Variants in NTM observed in about 807,000 individuals in gnomAD.
The protein encoded by NTM is IgLON family member 2.
In NTM, 13 loss-of-function variants were observed where a neutral mutation model predicts 42.1. The ratio of observed to expected loss-of-function variants is 0.31; its 90% confidence interval spans 0.20 to 0.49. NTM has a LOEUF of 0.49. Among genes scored for constraint, NTM ranks in the 20% least tolerant of loss-of-function variants. The pLI is 0.99. For synonymous variants in NTM, 187 were observed against 179.2 expected (o/e 1.04, Z -0.35); for missense variants, 373 against 452.8 (o/e 0.82, Z 1.60).
chr11:132,145,749 A>G (rs1173458269), intron 2 of NTM, among the ~76,000 whole-genome samples: 1 of 152,146 alleles, frequency 6.6e-6, no homozygotes, highest in Non-Finnish European at 1.5e-5. Context: ...CTATTCTGAG[A>G]TGAGAGGAAT....
At chr11:131,893,940 A>T (rs1464075724) in intron 1 of NTM, among the ~76,000 whole-genome samples, 1 of 152,176 alleles carries the variant, frequency 6.6e-6, no homozygotes, top group Non-Finnish European at 1.5e-5. Flanking sequence ...GATGAGGAGG[A>T]ATATCTAGTC....
At chr11:131,968,764 T>A (rs2063160199) in intron 2 of NTM, among the ~76,000 whole-genome samples, 1 of 152,064 alleles carries the variant, frequency 6.6e-6, no homozygotes. Context: ...TTCACACATA[T>A]CCTCCCCCGA....
chr11:131,637,943 CTG>C (rs2064621105), intron 1 of NTM, among the ~76,000 whole-genome samples: 1 of 152,140 alleles, frequency 6.6e-6, no homozygotes. Flanking sequence ...ATCAGTTTCT[CTG>C]TGGACTGATG....
At chr11:131,408,462 GTGAT>G (rs1379399502) in intron 1 of NTM, among the ~76,000 whole-genome samples, 2 of 152,220 alleles carry the variant, frequency 1.3e-5, no homozygotes, top group Non-Finnish European at 2.9e-5. Flanking sequence ...TAACATTTAT[GTGAT>G]TGAAAATATG....
At chr11:131,786,313 G>C (rs2089204358) in intron 1 of NTM, among the ~76,000 whole-genome samples, 2 of 152,202 alleles carry the variant, frequency 1.3e-5, no homozygotes, top group Admixed American at 1.3e-4. Context: ...AGATGACTAA[G>C]TTACAAGAGG....
chr11:131,824,710 T>G (rs770477131), intron 1 of NTM, among the ~76,000 whole-genome samples: 2 of 152,180 alleles, frequency 1.3e-5, no homozygotes, highest in Non-Finnish European at 2.9e-5. Flanking sequence ...ACATGTTGAA[T>G]AGTGAATGAA....
At chr11:131,572,119 T>C (rs2057494229) in intron 1 of NTM, among the ~76,000 whole-genome samples, 1 of 152,146 alleles carries the variant, frequency 6.6e-6, no homozygotes, top group Admixed American at 6.5e-5. Flanking sequence ...TGGGTCAGTG[T>C]GTAGCCGGGT....
chr11:131,830,814 T>G (rs2042724956), intron 1 of NTM, among the ~76,000 whole-genome samples: 1 of 152,252 alleles, frequency 6.6e-6, no homozygotes, highest in Non-Finnish European at 1.5e-5. Context: ...TGGACTGTTT[T>G]TTCATTTGTT....
At chr11:131,758,878 C>T (rs1398837963) in intron 1 of NTM, among the ~76,000 whole-genome samples, 1 of 152,114 alleles carries the variant, frequency 6.6e-6, no homozygotes, top group Non-Finnish European at 1.5e-5. Flanking sequence ...AGGCATGACC[C>T]ACCGTGTCCA....
chr11:132,083,529 C>T (rs1353608436), intron 2 of NTM, among the ~76,000 whole-genome samples: 1 of 152,190 alleles, frequency 6.6e-6, no homozygotes, highest in Admixed American at 6.5e-5. Flanking sequence ...GTGAATTCCT[C>T]TCTTCTTGAA....
chr11:131,931,889 A>G (rs2058673849), intron 2 of NTM, among the ~76,000 whole-genome samples: 1 of 152,214 alleles, frequency 6.6e-6, no homozygotes, highest in Non-Finnish European at 1.5e-5. Flanking sequence ...TGGAGCAGCA[A>G]GAGGCCACCA....
chr11:131,579,699 G>A (rs1039444322), intron 1 of NTM, among the ~76,000 whole-genome samples: 1 of 152,182 alleles, frequency 6.6e-6, no homozygotes, highest in Non-Finnish European at 1.5e-5. Flanking sequence ...TCCAGGAAGA[G>A]AACTTTTACA....
chr11:131,530,739 C>T (rs1467909492), intron 1 of NTM, among the ~76,000 whole-genome samples: 1 of 152,166 alleles, frequency 6.6e-6, no homozygotes, highest in Non-Finnish European at 1.5e-5. Context: ...CAACGACCCC[C>T]TTAACCTCAC....
intron 1 of NTM, among the ~76,000 whole-genome samples, chr11:131,898,455 C>G (rs1046732261): frequency 2.0e-5 from 3 of 152,214 alleles, no homozygotes; most frequent in African/African-American, 7.2e-5. Context: ...AAATAAGACA[C>G]TCTCCCCTTT....
intron 1 of NTM, among the ~76,000 whole-genome samples, chr11:131,742,231 A>C (rs1444476645): frequency 6.6e-6 from 1 of 152,240 alleles, no homozygotes; most frequent in Non-Finnish European, 1.5e-5. Flanking sequence ...AAAAGTCAAA[A>C]GATAAAAAAT....
intron 1 of NTM, among the ~76,000 whole-genome samples, chr11:131,676,181 A>G (rs1179630633): frequency 1.3e-5 from 2 of 152,232 alleles, no homozygotes; most frequent in African/African-American, 4.8e-5. Context: ...TTTTGTCTCA[A>G]AACAGGTGAA....
At chr11:131,484,556 C>T (rs1440253025) in intron 1 of NTM, among the ~76,000 whole-genome samples, 1 of 152,132 alleles carries the variant, frequency 6.6e-6, no homozygotes, top group East Asian at 1.9e-4. Context: ...TGAAGAGAGG[C>T]TGATGCATTT....
intron 1 of NTM, among the ~76,000 whole-genome samples, chr11:131,423,552 T>C (rs752230280): frequency 1.5e-4 from 23 of 152,210 alleles, no homozygotes; most frequent in Non-Finnish European, 3.2e-4. Flanking sequence ...AAACATGCTG[T>C]TGTTGCTGAG....
intron 1 of NTM, among the ~76,000 whole-genome samples, chr11:131,627,654 C>T (rs905751219): frequency 7.9e-5 from 12 of 151,990 alleles, no homozygotes; most frequent in Non-Finnish European, 1.3e-4. Flanking sequence ...AACATACTTA[C>T]ACCCCATCTC....
Sources: allele counts gnomAD v4.1 joint callset (sites outside exome capture counted in the v4.1 genomes callset), GRCh38; gene constraint gnomAD v4.1.1; transcripts MANE v1.5; gene names NCBI Gene and HGNC (gene_info 2026-07-23, HGNC 2026-07-21).